Variants in RASA3 observed in about 807,000 individuals in gnomAD.
RASA3 encodes the protein RAS p21 protein activator 3, also known as ras GTPase-activating protein 3.
RASA3 carries 73 observed loss-of-function variants against 110.0 expected under a neutral mutation model. The ratio of observed to expected loss-of-function variants is 0.66; its 90% CI spans 0.55 to 0.81. The LOEUF (loss-of-function observed/expected upper bound fraction) is 0.81. Ranked by LOEUF, RASA3 falls within the 30% of genes least tolerant of loss-of-function variation. The pLI is 0.00. For missense variants in RASA3, 976 were observed against 1,113.2 expected (o/e 0.88, Z 1.75); for synonymous variants, 500 against 451.4 (o/e 1.11, Z -1.37).
chr13:114,004,168 T>C (rs772198813), intron 18 of RASA3, among the ~76,000 whole-genome samples: 1 of 152,056 alleles, frequency 6.6e-6, no homozygotes, highest in Non-Finnish European at 1.5e-5. Context: ...CCAGAGATGA[T>C]CCAGGTTTCA....
intron 1 of RASA3, among the ~76,000 whole-genome samples, chr13:114,113,081 T>C (rs1425907132): frequency 6.6e-6 from 1 of 152,174 alleles, no homozygotes; most frequent in Non-Finnish European, 1.5e-5. Flanking sequence ...GCTGGAGGGC[T>C]GGGATGATCC....
intron 8 of RASA3, among the ~76,000 whole-genome samples, chr13:114,023,674 T>G (rs2053973953): frequency 6.6e-6 from 1 of 152,212 alleles, no homozygotes; most frequent in African/African-American, 2.4e-5. Context: ...CGTCCTGACC[T>G]GCGTGAACCC....
At chr13:114,074,763 G>C (rs1478361241) in intron 1 of RASA3, among the ~76,000 whole-genome samples, 1 of 152,216 alleles carries the variant, frequency 6.6e-6, no homozygotes, top group Non-Finnish European at 1.5e-5. Context: ...TGGCCCTGCA[G>C]AAAACGCCCG....
At chr13:114,054,250 A>C (rs2079199762) in intron 2 of RASA3, among the ~76,000 whole-genome samples, 1 of 152,278 alleles carries the variant, frequency 6.6e-6, no homozygotes, top group South Asian at 2.1e-4. Context: ...TGACTCAATA[A>C]ATGATGACAA....
At position 114,016,238 on chromosome 13, in the gene RASA3, G is replaced by A. The variant is rs1259418380; in HGVS notation, c.1240C>T (p.Pro414Ser). ...CQSHKPCEIDPVKLKDGENLE... is the reference protein window; with the variant it reads ...CQSHKPCEIDSVKLKDGENLE... ...TTTTCTCCGTCTTTCAACTTCACAGGGTCGATTTCACAGGGTTTGTGGCTC... is the reference window on the plus strand; with the variant it reads ...TTTTCTCCGTCTTTCAACTTCACAGAGTCGATTTCACAGGGTTTGTGGCTC... Residue 414 changes from proline to serine, a missense_variant, in exon 13 of 24, where the codon CCT (proline) becomes TCT (serine). Transcript: ENST00000334062. 1.2e-6 allele frequency: 2 copies of A among 1,602,746 alleles called. No homozygotes were observed. Among genetic ancestry groups the A allele is most frequent in the Non-Finnish European group, 1.7e-6 (2 of 1,169,832 alleles).
intron 18 of RASA3, among the ~76,000 whole-genome samples, 172 bp from the exon 19 acceptor site, chr13:114,001,104 CCTT>C (rs1361794344): frequency 6.6e-6 from 1 of 152,214 alleles, no homozygotes; most frequent in Non-Finnish European, 1.5e-5. Flanking sequence ...CAATGCCTCT[CCTT>C]TGAAAAGTTG....
At chr13:114,002,503 G>A (rs1015092110) in intron 18 of RASA3, among the ~76,000 whole-genome samples, 7 of 152,132 alleles carry the variant, frequency 4.6e-5, no homozygotes, top group Non-Finnish European at 8.8e-5. Flanking sequence ...GTTGGGGGGG[G>A]ACTGGGAGCT....
intron 2 of RASA3, among the ~76,000 whole-genome samples, chr13:114,066,718 C>T (rs572300158): frequency 5.9e-5 from 9 of 152,224 alleles, no homozygotes; most frequent in Non-Finnish European, 1.0e-4. Context: ...GACACAGGTG[C>T]GCTCCTGTGA....
At chr13:114,121,588 A>T (rs543038509) in intron 1 of RASA3, among the ~76,000 whole-genome samples, 1 of 152,276 alleles carries the variant, frequency 6.6e-6, no homozygotes, top group Admixed American at 6.5e-5. Context: ...ACCTCCGAGG[A>T]ACATAAGGAT....
intron 15 of RASA3, among the ~76,000 whole-genome samples, chr13:114,012,271 C>G (rs1292635661): frequency 2.0e-5 from 3 of 151,914 alleles, no homozygotes; most frequent in African/African-American, 7.3e-5. Context: ...CGGTGAACCA[C>G]CTGCAACGAG....
intron 22 of RASA3, among the ~76,000 whole-genome samples, chr13:113,989,231 ATCCATCCACCCATCTCTCACCCATCTG>A (rs1350126242): frequency 3.9e-5 from 4 of 102,028 alleles, no homozygotes; most frequent in South Asian, 3.8e-4. Context: ...CTACCCATCC[ATCCATCCACCCATCTCTCACCCATCTG>A]TCCATCCACC....
At chr13:114,000,285 G>A (rs1199789303) in intron 19 of RASA3, among the ~76,000 whole-genome samples, 1 of 152,034 alleles carries the variant, frequency 6.6e-6, no homozygotes, top group African/African-American at 2.4e-5. Flanking sequence ...CGGGGGCTGA[G>A]GAAGCCTGGG....
rs369133697 is a variant in RASA3 at position 114,052,947 on chromosome 13, C to T, written c.174-792G>A. Among the ~76,000 whole-genome samples the T allele has an allele frequency of 1.9e-4, 20 of 106,442 alleles. 2 individuals carry two copies. The East Asian group carries it at 3.0e-3, about 16-fold the overall frequency. The allele number at this position is 106,442 out of a possible 152,430, so 69.8% of individuals were successfully genotyped here. A position where few individuals can be genotyped will look rare whatever the true frequency, so the allele number is the denominator to read the frequency against. ...CGCTGCTGACTGTACTTAGAGTCCT[C>T]GCTCCTGGGGGAGAAATCGCCACTG... On this transcript the variant is annotated intron_variant, in intron 2 of 23. Transcript: ENST00000334062.
rs12018502 is a variant in RASA3 at position 114,108,243 on chromosome 13, A to G, written c.55+24192T>C. The stretch of plus-strand genomic sequence containing the variant: ...TCTGTCACCCCGCGTCTGTCACCCC[A>G]TGTCTGTCACCCTGCATCCGTCACC... On this transcript the variant is annotated intron_variant, in intron 1 of 23. Coordinates refer to ENST00000334062, the MANE Select transcript of RASA3 (RefSeq NM_007368.4). Among the ~76,000 whole-genome samples the G allele has an allele frequency of 3.0e-3, 58 of 19,568 alleles. No individual in the cohort carries two copies. The South Asian group carries it at 0.055, about 19-fold the overall frequency. 12.8% of individuals were successfully genotyped at this position (19,568 alleles called of 152,430 possible).
At chr13:114,053,221 G>T (rs1297576594) in intron 2 of RASA3, among the ~76,000 whole-genome samples, 2 of 109,948 alleles carry the variant, frequency 1.8e-5, no homozygotes, top group Non-Finnish European at 3.7e-5. Context: ...CTTACAGAGT[G>T]CATGGCTCAG....
Position 114,104,048 on chromosome 13 carries a change from TCCATGCTG to T in RASA3, c.55+28379_55+28386del, listed in dbSNP as rs1218068014. On this transcript the variant is annotated intron_variant, in intron 1 of 23. Transcript: ENST00000334062. ...GCCACAGACACCCACCCCCGATGCG[TCCATGCTG>T]CCACGGCCACGGACACCCACCCCCG... Among the ~76,000 whole-genome samples, 33 of 42,446 alleles carry T rather than the reference TCCATGCTG, an allele frequency of 7.8e-4. 10 individuals are homozygous for T. Among genetic ancestry groups the T allele is most frequent in the South Asian group, 6.3e-3 (5 of 792 alleles). 27.8% of individuals were successfully genotyped at this position (42,446 alleles called of 152,430 possible). A position where few individuals can be genotyped will look rare whatever the true frequency, so the allele number is the denominator to read the frequency against.
chr13:114,023,365 C>T (rs1198134286), intron 8 of RASA3, among the ~76,000 whole-genome samples: 1 of 152,028 alleles, frequency 6.6e-6, no homozygotes, highest in East Asian at 1.9e-4. Flanking sequence ...ATCCTAGGCT[C>T]GGGGTCTCAG....
rs141905460 is a variant in RASA3 at position 114,092,887 on chromosome 13, C to T, written c.56-19050G>A. Among the ~76,000 whole-genome samples the T allele has an allele frequency of 9.9e-5, 15 of 152,186 alleles. No individual in the cohort carries two copies. In the East Asian group the frequency reaches 2.9e-3, roughly 29 times the overall value. ...TATTTACTATTGTTATATCACCTTGCTGAATTGACCTCCTTTTGTAGCCCT... is the reference window on the plus strand; with the variant it reads ...TATTTACTATTGTTATATCACCTTGTTGAATTGACCTCCTTTTGTAGCCCT... On this transcript the variant is annotated intron_variant, in intron 1 of 23. Transcript: ENST00000334062.
intron 1 of RASA3, chr13:114,107,557 A>G (rs9314889): frequency 0.76 from 115,921 of 152,552 alleles, 44,296 homozygotes; most frequent in East Asian, 0.81. Context: ...GCAGGCGGCC[A>G]GGGCTCCCCG....
Sources: gnomAD v4.1 joint callset for allele counts (sites outside exome capture counted in the v4.1 genomes callset) on GRCh38, gnomAD v4.1.1 for gene constraint, MANE v1.5 for transcripts, NCBI Gene and HGNC (gene_info 2026-07-23, HGNC 2026-07-21) for gene names.